Variants in GRIP2 observed in about 807,000 individuals in gnomAD.
The protein encoded by GRIP2 is glutamate receptor-interacting protein 2.
GRIP2 carries 58 observed loss-of-function variants against 108.3 expected under a neutral mutation model. The observed-to-expected ratio is 0.54, with a 90% CI of 0.43 to 0.67. The LOEUF is 0.67. Ranked by LOEUF, GRIP2 falls within the 30% of genes least tolerant of loss-of-function variation. The pLI, the probability that GRIP2 is intolerant of heterozygous loss-of-function variation, is 0.00. For synonymous variants in GRIP2, 586 were observed against 598.2 expected, an observed-to-expected ratio of 0.98 and a Z score of 0.30; for missense variants, 1,278 against 1,430.6, an observed-to-expected ratio of 0.89 and a Z score of 1.72.
upstream of GRIP2, among the ~76,000 whole-genome samples, chr3:14,545,643 C>G (rs73817925): frequency 8.7e-3 from 1,328 of 152,348 alleles, 21 homozygotes; most frequent in African/African-American, 0.03. Context: ...GTGGGCCTCT[C>G]TGAGCCTCAG....
At chr3:14,519,963 A>T (rs1694357980) in intron 9 of GRIP2, 147 bp downstream of exon 9, 1 of 785,938 alleles carries the variant, frequency 1.3e-6, no homozygotes, top group Non-Finnish European at 2.0e-6. Flanking sequence ...TGCTGCTCTT[A>T]ATAATTTGAG....
At chr3:14,497,342 T>C (rs1249998453) in intron 21 of GRIP2, among the ~76,000 whole-genome samples, 1 of 152,144 alleles carries the variant, frequency 6.6e-6, no homozygotes, top group African/African-American at 2.4e-5. Context: ...TGCACTGCAG[T>C]AAGTGTTACA....
chr3:14,557,330 C>T (rs1023083983), upstream of GRIP2, among the ~76,000 whole-genome samples: 1 of 152,230 alleles, frequency 6.6e-6, no homozygotes, highest in Non-Finnish European at 1.5e-5. Flanking sequence ...GCAGGAGTCT[C>T]CTTTCGGCTC....
At chr3:14,584,492 C>G in the GRIP2 span, among the ~76,000 whole-genome samples, 6 of 152,202 alleles carry the variant, frequency 3.9e-5, no homozygotes, top group African/African-American at 1.4e-4. Context: ...GTTTCCTCCT[C>G]TGTAACATGG....
chr3:14,574,754 G>C, the GRIP2 span: 2 of 415,174 alleles, frequency 4.8e-6, no homozygotes, highest in African/African-American at 4.0e-5. Flanking sequence ...TCAGTGCTGC[G>C]GCTGCATGGA....
chr3:14,575,679 C>T, the GRIP2 span, among the ~76,000 whole-genome samples: 2 of 152,216 alleles, frequency 1.3e-5, no homozygotes, highest in Non-Finnish European at 2.9e-5. Flanking sequence ...GCCTAGAGAA[C>T]CCACCCTGAA....
At chr3:14,531,267 A>G (rs1392434681) in intron 1 of GRIP2, among the ~76,000 whole-genome samples, 2 of 152,122 alleles carry the variant, frequency 1.3e-5, no homozygotes, top group African/African-American at 2.4e-5. Context: ...TCCCTTACAA[A>G]GTTGATGGGG....
At chr3:14,539,276 G>A (rs372299545) in intron 1 of GRIP2, among the ~76,000 whole-genome samples, 3 of 152,178 alleles carry the variant, frequency 2.0e-5, no homozygotes, top group East Asian at 1.9e-4. Flanking sequence ...GGAAGCTCTC[G>A]ACAACAGCCA....
chr3:14,550,962 G>A (rs570203955), intron 1 of GRIP2, among the ~76,000 whole-genome samples: 3 of 152,268 alleles, frequency 2.0e-5, no homozygotes, highest in Non-Finnish European at 4.4e-5. Context: ...CCATCACCTC[G>A]GCCAAGATAG....
the GRIP2 span, among the ~76,000 whole-genome samples, chr3:14,598,459 C>A: frequency 6.6e-6 from 1 of 151,946 alleles, no homozygotes; most frequent in Non-Finnish European, 1.5e-5. Context: ...CACCCCAACC[C>A]AAGACTTCAA....
intron 1 of GRIP2, among the ~76,000 whole-genome samples, chr3:14,538,981 G>A (rs1694898911): frequency 6.6e-6 from 1 of 152,208 alleles, no homozygotes; most frequent in Non-Finnish European, 1.5e-5. Context: ...AGCAGACCAA[G>A]GTGACCCCAC....
chr3:14,521,922 G>A lies in GRIP2; in HGVS notation c.567-135C>T, dbSNP rs542343519. On this transcript the variant is annotated intron_variant, in intron 6 of 23. Transcript: ENST00000621039. The surrounding 1 kb of genome is among the most constrained non-coding windows in gnomAD (Gnocchi z 5.1). The stretch of plus-strand genomic sequence containing the variant: ...TGGGGGAGGAAGGGGAGGAGGGGAC[G>A]GGTGAAGGGGCGCATGAGTGAGTGA... The A allele has an allele frequency of 7.8e-6, 6 of 766,158 alleles. No individual in the cohort carries two copies. Among genetic ancestry groups the A allele is most frequent in the African/African-American group, 3.5e-5 (2 of 56,394 alleles). 47.5% of individuals were successfully genotyped at this position (766,158 alleles called of 1,614,324 possible). A position where few individuals can be genotyped will look rare whatever the true frequency, so the allele number is the denominator to read the frequency against.
upstream of GRIP2, among the ~76,000 whole-genome samples, chr3:14,545,717 C>T (rs1268219017): frequency 6.6e-6 from 1 of 152,220 alleles, no homozygotes; most frequent in African/African-American, 2.4e-5. Context: ...TTGAGAAGCT[C>T]AGTGAATGAG....
intron 1 of GRIP2, among the ~76,000 whole-genome samples, chr3:14,528,682 C>A (rs1223068505): frequency 7.0e-6 from 1 of 143,264 alleles, no homozygotes; most frequent in Non-Finnish European, 1.6e-5. Flanking sequence ...ACAGCAAAAC[C>A]CTGTCTCCCT....
intron 17 of GRIP2, among the ~76,000 whole-genome samples, chr3:14,509,242 G>A (rs1694015926): frequency 6.6e-6 from 1 of 152,208 alleles, no homozygotes; most frequent in South Asian, 2.1e-4. Flanking sequence ...GCTGTGCTGG[G>A]AGCTCACCGC....
At position 14,512,783 on chromosome 3, in the gene GRIP2, T is replaced by A; in HGVS notation, c.1714A>T (p.Ile572Phe). 1 of 1,613,418 alleles carries A rather than the reference T, an allele frequency of 6.2e-7. No individual in the cohort carries two copies. The highest frequency in any genetic ancestry group is 8.5e-7 in the Non-Finnish European group (1 of 1,179,762). Residue 572 changes from isoleucine to phenylalanine, a missense_variant, in exon 14 of 24, where the codon ATC becomes TTC. Coordinates refer to ENST00000621039, the MANE Select transcript of GRIP2 (RefSeq NM_001080423.4). The surrounding 1 kb of genome is among the most constrained non-coding windows in gnomAD (Gnocchi z 5.1). ...GCAGCGGGAGGAGACTCACAGCTGA[T>A]GGTGATGCCCAGCTCCACGCTGCGC... is the stretch of plus-strand genomic sequence containing the variant. ...KKRSVELGIT[I>F]SSASRKRGEP...
intron 1 of GRIP2, among the ~76,000 whole-genome samples, chr3:14,537,769 G>A (rs1327165270): frequency 1.3e-5 from 2 of 152,182 alleles, no homozygotes; most frequent in African/African-American, 2.4e-5. Context: ...ACAGCAGGGG[G>A]ACCTTCACAC....
rs1701283972 is a variant in GRIP2, at chr3:14,489,703, C to T, written c.*3962G>A. 6.6e-6 allele frequency: 1 copy of T among 152,414 alleles called. No homozygotes were observed. Among genetic ancestry groups the T allele is most frequent in the African/African-American group, 2.4e-5 (1 of 41,458 alleles). 9.4% of individuals were successfully genotyped at this position (152,414 alleles called of 1,614,324 possible). ...TAAACCATTGTCCCCATCAAGGCCACCAGGATGATTGGAGGTGATGCTCTT... is the reference window on the plus strand; with the variant it reads ...TAAACCATTGTCCCCATCAAGGCCATCAGGATGATTGGAGGTGATGCTCTT... On this transcript the variant is annotated 3_prime_UTR_variant, in exon 24 of 24. Coordinates refer to ENST00000621039, the MANE Select transcript of GRIP2 (RefSeq NM_001080423.4).
the GRIP2 span, among the ~76,000 whole-genome samples, chr3:14,601,587 T>A: frequency 1.3e-5 from 2 of 152,068 alleles, no homozygotes; most frequent in African/African-American, 4.8e-5. Context: ...CCCACCAGGG[T>A]CTGAGGCACT....
Sources: gnomAD v4.1 joint callset for allele counts (sites outside exome capture counted in the v4.1 genomes callset) on GRCh38, gnomAD v4.1.1 for gene constraint, Gnocchi (gnomAD v3.1) non-coding constraint, MANE v1.5 for transcripts, NCBI Gene and HGNC (gene_info 2026-07-23, HGNC 2026-07-21) for gene names.